Variants in HIVEP1 observed in about 807,000 individuals in gnomAD.
The protein encoded by HIVEP1 is HIVEP zinc finger 1.
HIVEP1 carries 36 observed loss-of-function variants against 180.0 expected under a neutral mutation model. The ratio of observed to expected loss-of-function variants is 0.20; its 90% confidence interval spans 0.15 to 0.26. The LOEUF is 0.26. HIVEP1 is among the 10% of genes least tolerant of loss of function. The pLI is 1.00. For missense variants in HIVEP1, 3,143 were observed against 3,268.7 expected, an observed-to-expected ratio of 0.96 and a Z score of 0.94; for synonymous variants, 1,239 against 1,239.0, an observed-to-expected ratio of 1.00 and a Z score of 0.00.
upstream of HIVEP1, chr6:12,007,876 CTT>C (rs963997979): frequency 6.6e-6 from 1 of 151,906 alleles, no homozygotes; most frequent in Non-Finnish European, 1.5e-5. Context: ...CCTCTTATAT[CTT>C]TTTTTCCCTC....
chr6:12,161,409 C>T (rs1367260790), intron 7 of HIVEP1, 30 bp from the exon 8 acceptor site: 3 of 1,580,860 alleles, frequency 1.9e-6, no homozygotes, highest in South Asian at 1.2e-5. Context: ...GAAAGCATTC[C>T]ATCACATACC....
intron 2 of HIVEP1, among the ~76,000 whole-genome samples, chr6:12,034,535 G>GTA (rs1769154860): frequency 6.6e-6 from 1 of 152,162 alleles, no homozygotes; most frequent in Non-Finnish European, 1.5e-5. Context: ...GGAGAGTTAA[G>GTA]ACAAGCCCAA....
chr6:12,067,469 T>C (rs1771676513), intron 2 of HIVEP1, among the ~76,000 whole-genome samples: 1 of 152,004 alleles, frequency 6.6e-6, no homozygotes, highest in Non-Finnish European at 1.5e-5. Flanking sequence ...ATTTAAACAA[T>C]GTAGTTAATT....
At chr6:12,172,857 G>A in the HIVEP1 span, among the ~76,000 whole-genome samples, 1 of 145,642 alleles carries the variant, frequency 6.9e-6, no homozygotes, top group Non-Finnish European at 1.5e-5. Flanking sequence ...GGGTTGTATT[G>A]TATTCATTTC....
intron 7 of HIVEP1, among the ~76,000 whole-genome samples, 179 bp from the exon 8 acceptor site, chr6:12,161,260 G>T (rs1430860514): frequency 6.6e-6 from 1 of 152,124 alleles, no homozygotes; most frequent in East Asian, 1.9e-4. Context: ...TCTGAATCCT[G>T]ATGGCCAACT....
chr6:12,017,560 T>C (rs1222911771), intron 2 of HIVEP1, among the ~76,000 whole-genome samples: 2 of 152,232 alleles, frequency 1.3e-5, no homozygotes, highest in Non-Finnish European at 2.9e-5. Flanking sequence ...GGCAGCCTGC[T>C]TTTATTCTCC....
At position 12,097,305 on chromosome 6, in the gene HIVEP1, T is replaced by G. The variant is rs144447025; in HGVS notation, c.94+8068T>G. On this transcript the variant is annotated intron_variant, in intron 3 of 8. Transcript: ENST00000379388. ...TAATTTATTTAGTAAATTGTTGTTG[T>G]GCACCAGCCATTTTTTTTTTTTTTT... Among the ~76,000 whole-genome samples, 380 of 146,276 alleles carry G rather than the reference T, an allele frequency of 2.6e-3. 1 individual carries two copies. Among genetic ancestry groups the G allele is most frequent in the African/African-American group, 9.0e-3 (361 of 40,038 alleles).
At position 12,120,565 on chromosome 6, in the gene HIVEP1, C is replaced by G. The variant is rs1412287811; in HGVS notation, c.770C>G (p.Ser257Cys). The part of the protein sequence containing the change: ...TSQELVAESQ[S>C]SCTSYTVHMS... ...CAGGAATTGGTTGCTGAATCACAGT[C>G]TTCTTGTACCTCATACACAGTCCAT... The change falls in exon 4 of 9, where the codon TCT becomes TGT. Residue 257 changes from serine to cysteine, a missense_variant. Ser to Cys is a moderately radical substitution (Grantham distance 112). Transcript: ENST00000379388. 3 of 1,614,224 alleles carry G rather than the reference C, an allele frequency of 1.9e-6. No homozygotes were observed.
chr6:12,010,990 C>A (rs1767246264), upstream of HIVEP1, among the ~76,000 whole-genome samples: 1 of 152,086 alleles, frequency 6.6e-6, no homozygotes, highest in African/African-American at 2.4e-5. Flanking sequence ...GTCAGGCTGG[C>A]AGGCAGGGGT....
intron 2 of HIVEP1, among the ~76,000 whole-genome samples, chr6:12,076,686 G>A (rs892384896): frequency 2.0e-5 from 3 of 152,242 alleles, no homozygotes; most frequent in Non-Finnish European, 4.4e-5. Flanking sequence ...GAGCCTTCAT[G>A]ACCTAAACAC....
intron 2 of HIVEP1, among the ~76,000 whole-genome samples, chr6:12,044,187 G>A (rs1021072528): frequency 1.3e-5 from 2 of 152,140 alleles, no homozygotes; most frequent in Non-Finnish European, 2.9e-5. Context: ...AGAATTCTAA[G>A]TGAATCTCCA....
intron 3 of HIVEP1, among the ~76,000 whole-genome samples, chr6:12,101,700 AC>A (rs1774122874): frequency 6.6e-6 from 1 of 152,144 alleles, no homozygotes; most frequent in South Asian, 2.1e-4. Context: ...AAAAAAAGAC[AC>A]AAGACATACA....
the HIVEP1 span, among the ~76,000 whole-genome samples, chr6:12,175,802 G>A: frequency 6.6e-6 from 1 of 152,154 alleles, no homozygotes; most frequent in Admixed American, 6.5e-5. Context: ...GTCAGCTGGC[G>A]GAACAGTGTG....
chr6:12,137,776 T>TAAA (rs1283009770), intron 7 of HIVEP1, among the ~76,000 whole-genome samples: 7 of 152,168 alleles, frequency 4.6e-5, no homozygotes, highest in Non-Finnish European at 1.0e-4. Flanking sequence ...GCAGTGTAAG[T>TAAA]TTAAATATAG....
chr6:12,166,115 C>G (rs962714746), downstream of HIVEP1, among the ~76,000 whole-genome samples: 16 of 152,078 alleles, frequency 1.1e-4, no homozygotes, highest in African/African-American at 3.4e-4. Flanking sequence ...ATTGCGTTGC[C>G]CTATCAATAA....
At chr6:12,194,693 T>C in the HIVEP1 span, among the ~76,000 whole-genome samples, 2 of 152,080 alleles carry the variant, frequency 1.3e-5, no homozygotes, top group Non-Finnish European at 2.9e-5. Context: ...TCCCAGCTAC[T>C]TGGGAGGCTG....
At chr6:12,053,940 G>A (rs912683253) in intron 2 of HIVEP1, among the ~76,000 whole-genome samples, 2 of 152,174 alleles carry the variant, frequency 1.3e-5, no homozygotes, top group Non-Finnish European at 1.5e-5. Context: ...AACAGAAAGG[G>A]AACGTACATT....
intron 2 of HIVEP1, among the ~76,000 whole-genome samples, chr6:12,061,873 G>A (rs910832673): frequency 1.1e-4 from 16 of 152,026 alleles, no homozygotes; most frequent in African/African-American, 3.9e-4. Context: ...TTTCTCGTGA[G>A]GAAATCCTAT....
intron 2 of HIVEP1, among the ~76,000 whole-genome samples, chr6:12,035,990 G>A (rs1406170014): frequency 3.9e-5 from 6 of 152,110 alleles, no homozygotes; most frequent in Non-Finnish European, 7.4e-5. Context: ...TGGAAACATC[G>A]TTCTCTGTAA....
Sources: allele counts gnomAD v4.1 joint callset (sites outside exome capture counted in the v4.1 genomes callset), GRCh38; gene constraint gnomAD v4.1.1; transcripts MANE v1.5; gene names NCBI Gene and HGNC (gene_info 2026-07-23, HGNC 2026-07-21).